Variants in TM9SF2 observed in about 807,000 individuals in gnomAD.
TM9SF2 encodes transmembrane 9 superfamily member 2.
In TM9SF2, 13 loss-of-function variants were observed where a neutral mutation model predicts 84.9. The ratio of observed to expected loss-of-function variants is 0.15; its 90% CI spans 0.10 to 0.24. TM9SF2 has a LOEUF of 0.24. TM9SF2 is among the 10% of genes least tolerant of loss of function. The pLI is 1.00. For synonymous variants in TM9SF2, 273 were observed against 285.8 expected, an observed-to-expected ratio of 0.96 and a Z score of 0.45; for missense variants, 562 against 818.5, an observed-to-expected ratio of 0.69 and a Z score of 3.82.
intron 3 of TM9SF2, among the ~76,000 whole-genome samples, chr13:99,525,943 G>A (rs2046181429): frequency 1.3e-5 from 2 of 152,318 alleles, no homozygotes; most frequent in South Asian, 4.1e-4. Flanking sequence ...TTAGGAGAGG[G>A]AAGGATTGCC....
chr13:99,523,090 G>A lies in TM9SF2; in HGVS notation c.333+2961G>A, dbSNP rs1594049600. ...GGCACATTTTAAGGCCAAGGTGTAAGCCAGCCATAAATGTATTGACCAACA... is the reference window on the plus strand; with the variant it reads ...GGCACATTTTAAGGCCAAGGTGTAAACCAGCCATAAATGTATTGACCAACA... On this transcript the variant is annotated intron_variant, in intron 3 of 16. Coordinates refer to ENST00000376387, the MANE Select transcript of TM9SF2 (RefSeq NM_004800.3). Among the ~76,000 whole-genome samples, 6 of 152,296 alleles carry A rather than the reference G, an allele frequency of 3.9e-5. No homozygotes were observed. The South Asian group carries it at 1.2e-3, about 32-fold the overall frequency.
At chr13:99,517,990 A>T (rs929005488) in intron 2 of TM9SF2, among the ~76,000 whole-genome samples, 1 of 152,254 alleles carries the variant, frequency 6.6e-6, no homozygotes, top group Non-Finnish European at 1.5e-5. Flanking sequence ...CCACATAATC[A>T]GTTCCCAGAA....
intron 1 of TM9SF2, among the ~76,000 whole-genome samples, chr13:99,513,841 A>G (rs9582314): frequency 0.025 from 3,776 of 152,322 alleles, 163 homozygotes; most frequent in African/African-American, 0.086. Flanking sequence ...AGCCATGCTC[A>G]CTTGTGGATG....
chr13:99,501,996 C>G (rs1023315528), intron 1 of TM9SF2, among the ~76,000 whole-genome samples: 4 of 152,196 alleles, frequency 2.6e-5, no homozygotes, highest in African/African-American at 9.6e-5. Flanking sequence ...GCCTCAGACT[C>G]GCCTCCCGTC....
intron 5 of TM9SF2, 140 bp from the exon 6 acceptor site, chr13:99,537,599 T>C (rs2046240063): frequency 3.1e-6 from 2 of 652,552 alleles, no homozygotes; most frequent in African/African-American, 1.9e-5. Context: ...AAGTATAAAA[T>C]TGAAACATGT....
chr13:99,505,967 GA>G (rs2139067338), intron 1 of TM9SF2, among the ~76,000 whole-genome samples: 1 of 152,308 alleles, frequency 6.6e-6, no homozygotes, highest in Admixed American at 6.5e-5. Flanking sequence ...GAAAGATTAA[GA>G]TTTTTTTTCC....
chr13:99,534,848 A>T (rs1726568479), intron 4 of TM9SF2, among the ~76,000 whole-genome samples: 1 of 152,184 alleles, frequency 6.6e-6, no homozygotes, highest in African/African-American at 2.4e-5. Context: ...GGAAGACAGT[A>T]ATTGAAAATC....
chr13:99,536,471 A>T, intron 4 of TM9SF2, 137 bp from the exon 5 acceptor site: 1 of 1,041,234 alleles, frequency 9.6e-7, no homozygotes, highest in Non-Finnish European at 1.4e-6. Flanking sequence ...ACATTTCATT[A>T]ACATTCTTTG....
intron 1 of TM9SF2, among the ~76,000 whole-genome samples, chr13:99,502,732 CTT>C (rs1460254187): frequency 2.0e-5 from 3 of 152,156 alleles, no homozygotes; most frequent in African/African-American, 7.2e-5. Context: ...ATGAGGATCT[CTT>C]TGAAACCTTT....
At chr13:99,524,666 C>T (rs9300555) in intron 3 of TM9SF2, among the ~76,000 whole-genome samples, 3 of 151,420 alleles carry the variant, frequency 2.0e-5, no homozygotes, top group South Asian at 2.1e-4. Context: ...AGACAAGATT[C>T]GAAGAGGCAC....
rs74394952 is a variant in TM9SF2 at position 99,526,358 on chromosome 13, G to A, written c.334-3109G>A. ...GTTTTAACAAGTGAATACCAAAAAA[G>A]TGAGAGAAGAACACAGGATGTGAGG... On this transcript the variant is annotated intron_variant, in intron 3 of 16. Transcript: ENST00000376387. 6.5e-3 allele frequency among the ~76,000 whole-genome samples: 991 copies of A among 152,364 alleles called. 12 individuals are homozygous for A. The highest frequency in any genetic ancestry group is 0.022 in the African/African-American group (920 of 41,586).
At chr13:99,558,136 G>A (rs986152539) in intron 15 of TM9SF2, among the ~76,000 whole-genome samples, 10 of 152,232 alleles carry the variant, frequency 6.6e-5, no homozygotes, top group Non-Finnish European at 1.2e-4. Context: ...GACCATAGAT[G>A]TATGGGTTTA....
At chr13:99,508,445 C>CACACACACACACA (rs1566562106) in intron 1 of TM9SF2, among the ~76,000 whole-genome samples, 137 of 99,670 alleles carry the variant, frequency 1.4e-3, no homozygotes, top group African/African-American at 5.5e-3. Flanking sequence ...ACACACACAC[C>CACACACACACACA]CCAGAGATTC....
intron 1 of TM9SF2, among the ~76,000 whole-genome samples, chr13:99,516,207 G>GT (rs2046133877): frequency 6.6e-6 from 1 of 152,192 alleles, no homozygotes; most frequent in South Asian, 2.1e-4. Flanking sequence ...CTTGCCTGCT[G>GT]TGTTTTGCTG....
intron 10 of TM9SF2, 82 bp from the exon 11 acceptor site, chr13:99,546,903 A>G (rs1188002268): frequency 6.3e-7 from 1 of 1,580,342 alleles, no homozygotes; most frequent in Non-Finnish European, 8.6e-7. Flanking sequence ...TCTTGTTTGA[A>G]AAATGAGAGG....
intron 1 of TM9SF2, among the ~76,000 whole-genome samples, chr13:99,514,866 G>C (rs528606500): frequency 1.4e-4 from 22 of 152,306 alleles, no homozygotes; most frequent in African/African-American, 5.3e-4. Context: ...AGTAAATACG[G>C]TACTTTATGC....
At chr13:99,553,940 A>G (rs2046315712) in intron 13 of TM9SF2, among the ~76,000 whole-genome samples, 1 of 152,252 alleles carries the variant, frequency 6.6e-6, no homozygotes, top group South Asian at 2.1e-4. Context: ...TTCCAGAACC[A>G]GCTGATTTCT....
At chr13:99,551,137 A>G (rs2139107636) in intron 12 of TM9SF2, among the ~76,000 whole-genome samples, 1 of 152,392 alleles carries the variant, frequency 6.6e-6, no homozygotes, top group South Asian at 2.1e-4. Flanking sequence ...AGAGGGCTCT[A>G]TTCACAGAAA....
intron 1 of TM9SF2, among the ~76,000 whole-genome samples, chr13:99,512,262 A>G (rs1317763267): frequency 6.6e-6 from 1 of 152,348 alleles, no homozygotes; most frequent in Non-Finnish European, 1.5e-5. Flanking sequence ...ATTATGGACC[A>G]GCTTCTGCGT....
Sources: gnomAD v4.1 joint callset for allele counts (sites outside exome capture counted in the v4.1 genomes callset) on GRCh38, gnomAD v4.1.1 for gene constraint, MANE v1.5 for transcripts, NCBI Gene and HGNC (gene_info 2026-07-23, HGNC 2026-07-21) for gene names.